Variants in SLC35E4 observed in about 807,000 individuals in gnomAD.
SLC35E4 encodes solute carrier family 35 member E4.
In SLC35E4, 15 loss-of-function variants were observed where a neutral mutation model predicts 19.3. The observed-to-expected ratio is 0.78, with a 90% CI of 0.52 to 1.20. SLC35E4 has a LOEUF of 1.20. SLC35E4 is among the 50% of genes most tolerant of loss of function. The pLI is 0.00. For missense variants in SLC35E4, 406 were observed against 472.3 expected, an observed-to-expected ratio of 0.86 and a Z score of 1.30; for synonymous variants, 219 against 219.9, an observed-to-expected ratio of 1.00 and a Z score of 0.04.
In SLC35E4 at chr22:30,661,515, C is replaced by T. The variant is rs1378124729; in HGVS notation, c.*9-545C>T. On this transcript the variant is annotated intron_variant, in intron 2 of 2. Transcript: ENST00000406566. ...CCAGGCTGGAGTGCAATGGTGCAAG[C>T]TCGGCTCACTGCAACCTCCGCCTCC... The T allele has an allele frequency of 2.7e-5, 4 of 148,086 alleles. No individual in the cohort carries two copies. The East Asian group carries it at 7.9e-4, about 29-fold the overall frequency. 9.2% of individuals were successfully genotyped at this position (148,086 alleles called of 1,614,324 possible). A position where few individuals can be genotyped will look rare whatever the true frequency, so the allele number is the denominator to read the frequency against.
intron 2 of SLC35E4, among the ~76,000 whole-genome samples, chr22:30,655,301 A>G (rs1165833134): frequency 6.6e-6 from 1 of 151,210 alleles, no homozygotes; most frequent in African/African-American, 2.4e-5. Flanking sequence ...ACGGAAAAAA[A>G]AAAAAAATAG....
At chr22:30,663,962 C>T (rs1223034869), downstream of SLC35E4, 1 of 1,614,040 alleles carries the variant, frequency 6.2e-7, no homozygotes, top group African/African-American at 1.3e-5. Context: ...TGACTGAGGG[C>T]TGCCGGAACT....
downstream of SLC35E4, among the ~76,000 whole-genome samples, chr22:30,665,948 T>C (rs2088636661): frequency 6.6e-6 from 1 of 150,686 alleles, no homozygotes; most frequent in African/African-American, 2.4e-5. Flanking sequence ...TGGGTGGGGA[T>C]GGGGGTGGTT....
intron 2 of SLC35E4, among the ~76,000 whole-genome samples, chr22:30,659,356 A>G (rs2088413638): frequency 6.6e-6 from 1 of 152,168 alleles, no homozygotes; most frequent in Non-Finnish European, 1.5e-5. Context: ...TGTTGGAATT[A>G]TCAGAAAAAG....
downstream of SLC35E4, among the ~76,000 whole-genome samples, chr22:30,650,307 G>A (rs1454849641): frequency 6.6e-6 from 1 of 151,816 alleles, no homozygotes; most frequent in Non-Finnish European, 1.5e-5. Flanking sequence ...ACTGTAGCCT[G>A]GGGGACAAGA....
At chr22:30,655,719 AGGTCT>A (rs1463740380) in intron 2 of SLC35E4, among the ~76,000 whole-genome samples, 1 of 152,020 alleles carries the variant, frequency 6.6e-6, no homozygotes, top group Admixed American at 6.6e-5. Context: ...CTGTAAATAG[AGGTCT>A]GTGGGGTGCC....
Position 30,636,644 on chromosome 22 carries a change from G to T in SLC35E4, c.194G>T (p.Ser65Ile). Reference protein sequence around the residue: ...VWLLAGASMSSLNKWIFTVHG... With the variant: ...VWLLAGASMSILNKWIFTVHG... ...CTGCTGGCGGGAGCCAGCATGTCAA[G>T]CCTCAACAAGTGGATCTTCACAGTG... Residue 65 changes from serine (S) to isoleucine (I), a missense_variant, in exon 1 of 2, where the codon AGC (serine) becomes ATC (isoleucine). Coordinates refer to ENST00000343605, the MANE Select transcript of SLC35E4 (RefSeq NM_001001479.4). 6.2e-7 allele frequency: 1 copy of T among 1,611,726 alleles called. No homozygotes were observed. Among genetic ancestry groups the T allele is most frequent in the Non-Finnish European group, 8.5e-7 (1 of 1,179,216 alleles).
At chr22:30,667,441 T>G (rs1219614653), downstream of SLC35E4, 1 of 152,186 alleles carries the variant, frequency 6.6e-6, no homozygotes, top group Non-Finnish European at 1.5e-5. Context: ...CTGCTTAGTG[T>G]CAGGACCCCC....
At chr22:30,639,486 G>A (rs1323103888) in intron 1 of SLC35E4, among the ~76,000 whole-genome samples, 1 of 152,118 alleles carries the variant, frequency 6.6e-6, no homozygotes, top group African/African-American at 2.4e-5. Context: ...AAATTTATTA[G>A]GCGGGAATTT....
downstream of SLC35E4, among the ~76,000 whole-genome samples, chr22:30,651,371 T>TTTTG (rs1555899345): frequency 1.7e-4 from 7 of 41,228 alleles, no homozygotes; most frequent in African/African-American, 6.5e-4. Context: ...TGGCTAATTT[T>TTTTG]TGTGTGTGTG....
At chr22:30,658,249 A>G (rs2088385350) in intron 2 of SLC35E4, among the ~76,000 whole-genome samples, 1 of 151,780 alleles carries the variant, frequency 6.6e-6, no homozygotes, top group Admixed American at 6.6e-5. Flanking sequence ...AAAAAGAAAT[A>G]TTAACAAGGC....
At chr22:30,663,508 T>C (rs779439764), downstream of SLC35E4, 6 of 1,614,108 alleles carry the variant, frequency 3.7e-6, no homozygotes, top group African/African-American at 2.7e-5. Context: ...GAACTGACCA[T>C]GTGCACAGTG....
At chr22:30,654,733 C>T (rs142017342) in intron 2 of SLC35E4, 35 of 291,084 alleles carry the variant, frequency 1.2e-4, no homozygotes, top group Non-Finnish European at 1.5e-4. Context: ...CACCACCTTC[C>T]GGCCTGCTTA....
intron 1 of SLC35E4, among the ~76,000 whole-genome samples, chr22:30,643,715 G>A (rs2088083612): frequency 6.6e-6 from 1 of 152,154 alleles, no homozygotes; most frequent in African/African-American, 2.4e-5. Context: ...AGACTGAGGC[G>A]TGGAGAGAGG....
exon 3 of SLC35E4, chr22:30,662,886 A>G (rs1602103832): frequency 6.5e-6 from 1 of 153,512 alleles, no homozygotes; most frequent in Admixed American, 6.4e-5. Flanking sequence ...TATCTTATGC[A>G]TAAGTACAAT....
chr22:30,664,173 C>T, downstream of SLC35E4: 1 of 633,128 alleles, frequency 1.6e-6, no homozygotes, highest in Non-Finnish European at 2.8e-6. Flanking sequence ...TTATAGCATT[C>T]CCCAAGGCAG....
intron 1 of SLC35E4, among the ~76,000 whole-genome samples, chr22:30,644,044 A>G (rs1266186932): frequency 1.3e-5 from 2 of 152,200 alleles, no homozygotes; most frequent in Admixed American, 1.3e-4. Context: ...GCTGCCTTGC[A>G]GAGGGTGAAA....
chr22:30,658,419 TG>T (rs2088390968), intron 2 of SLC35E4, among the ~76,000 whole-genome samples: 1 of 151,246 alleles, frequency 6.6e-6, no homozygotes, highest in African/African-American at 2.4e-5. Flanking sequence ...GCAGTAACAG[TG>T]GTGGCCAGAA....
In SLC35E4 at chr22:30,646,839, G is replaced by A; in HGVS notation, c.861G>A (p.Leu287=). 1 of 1,614,222 alleles carries A rather than the reference G, an allele frequency of 6.2e-7. No individual in the cohort carries two copies. Among genetic ancestry groups the A allele is most frequent in the Non-Finnish European group, 8.5e-7 (1 of 1,180,036 alleles). Residue 287 remains leucine, a synonymous_variant, in exon 2 of 2, where the codon CTG becomes CTA. Transcript: ENST00000343605. ...CCTCTGCCCTCACCGTCCACGTCCT[G>A]GGCAACCTCACCGTGGTGGGCAACC... ...ALTSALTVHV[L]GNLTVVGNLI...
Sources: gnomAD v4.1 joint callset for allele counts (sites outside exome capture counted in the v4.1 genomes callset) on GRCh38, gnomAD v4.1.1 for gene constraint, MANE v1.5 for transcripts, NCBI Gene and HGNC (gene_info 2026-07-23, HGNC 2026-07-21) for gene names.